Variants in TAS2R1 observed in about 807,000 individuals in gnomAD.
The protein encoded by TAS2R1 is taste receptor type 2 member 1.
For synonymous variants in TAS2R1, 141 were observed against 134.2 expected (o/e 1.05, Z -0.35); for missense variants, 370 against 353.4 (o/e 1.05, Z -0.38).
At chr5:9,781,968 G>T in the TAS2R1 span, among the ~76,000 whole-genome samples, 1 of 152,196 alleles carries the variant, frequency 6.6e-6, no homozygotes, top group Non-Finnish European at 1.5e-5. Flanking sequence ...AATGGGGATA[G>T]ATGTCTTTCT....
chr5:9,728,379 G>C, the TAS2R1 span, among the ~76,000 whole-genome samples: 1 of 152,172 alleles, frequency 6.6e-6, no homozygotes, highest in African/African-American at 2.4e-5. Flanking sequence ...ATATGACATT[G>C]CATTTACACA....
At chr5:9,696,290 T>G (rs566206620) in intron 1 of TAS2R1, among the ~76,000 whole-genome samples, 1 of 152,176 alleles carries the variant, frequency 6.6e-6, no homozygotes, top group Non-Finnish European at 1.5e-5. Flanking sequence ...TCTGATGCGG[T>G]AGCTCACGCC....
chr5:9,731,581 G>A, the TAS2R1 span, among the ~76,000 whole-genome samples: 2 of 152,184 alleles, frequency 1.3e-5, no homozygotes, highest in African/African-American at 4.8e-5. Flanking sequence ...CACACCTGCA[G>A]TTTCCTCTTT....
At chr5:9,648,711 G>A (rs967545735) in intron 2 of TAS2R1, among the ~76,000 whole-genome samples, 2 of 152,004 alleles carry the variant, frequency 1.3e-5, no homozygotes, top group Non-Finnish European at 1.5e-5. Context: ...AGCTAGGGAC[G>A]TATAGACTCT....
At chr5:9,633,755 T>C (rs1470483923), upstream of TAS2R1, among the ~76,000 whole-genome samples, 3 of 152,072 alleles carry the variant, frequency 2.0e-5, no homozygotes, top group Non-Finnish European at 4.4e-5. Context: ...TTGAGACTTG[T>C]CTATTCATGT....
chr5:9,787,420 G>A, the TAS2R1 span, among the ~76,000 whole-genome samples: 6 of 152,028 alleles, frequency 3.9e-5, no homozygotes, highest in South Asian at 8.3e-4. Flanking sequence ...CAAAAACCAG[G>A]TATTGCAAAA....
chr5:9,888,869 G>C, the TAS2R1 span, among the ~76,000 whole-genome samples: 5 of 152,316 alleles, frequency 3.3e-5, no homozygotes, highest in South Asian at 4.1e-4. Flanking sequence ...GATAGCAGAA[G>C]ACAGATGGCA....
chr5:9,730,599 T>C, the TAS2R1 span, among the ~76,000 whole-genome samples: 1 of 152,144 alleles, frequency 6.6e-6, no homozygotes, highest in Non-Finnish European at 1.5e-5. Flanking sequence ...TTTTGAGGAC[T>C]CAAAGACACT....
At chr5:9,768,617 C>T in the TAS2R1 span, among the ~76,000 whole-genome samples, 1 of 152,268 alleles carries the variant, frequency 6.6e-6, no homozygotes, top group East Asian at 1.9e-4. Context: ...ACTCCCATTC[C>T]TTGAACAGTC....
At chr5:9,645,404 T>C (rs552654903) in intron 2 of TAS2R1, among the ~76,000 whole-genome samples, 1 of 152,164 alleles carries the variant, frequency 6.6e-6, no homozygotes, top group Non-Finnish European at 1.5e-5. Flanking sequence ...CCGCGTCCTA[T>C]GTTAATACCC....
rs1739828012 is a variant in TAS2R1 at position 9,629,550 on chromosome 5, G to C, written c.483C>G (p.Ser161=). 1 of 1,613,792 alleles carries C rather than the reference G, an allele frequency of 6.2e-7. No individual in the cohort carries two copies. The highest frequency in any genetic ancestry group is 1.3e-5 in the African/African-American group (1 of 74,848). The change falls in exon 1 of 1, where the codon TCC becomes TCG. Residue 161 remains serine (S), a synonymous_variant. Transcript: ENST00000382492. Reference sequence around the variant, plus strand: ...CTTCTTTTTGAATTGTGGCATTTTGGGAGAAAAATTTCCTTAGGAAGTATG... The same window carrying C: ...CTTCTTTTTGAATTGTGGCATTTTGCGAGAAAAATTTCCTTAGGAAGTATG... ...MVPYFLRKFF[S]QNATIQKEDT...
chr5:9,817,313 G>T, the TAS2R1 span, among the ~76,000 whole-genome samples: 1 of 152,114 alleles, frequency 6.6e-6, no homozygotes, highest in Non-Finnish European at 1.5e-5. Context: ...ACATGCCTAC[G>T]CTTTAAATTT....
At chr5:9,764,950 A>T in the TAS2R1 span, among the ~76,000 whole-genome samples, 1 of 152,232 alleles carries the variant, frequency 6.6e-6, no homozygotes, top group Non-Finnish European at 1.5e-5. Context: ...ACTGTGAAAC[A>T]AAAACACGAA....
the TAS2R1 span, among the ~76,000 whole-genome samples, chr5:9,839,031 A>G: frequency 1.3e-5 from 2 of 152,224 alleles, no homozygotes; most frequent in Non-Finnish European, 1.5e-5. Flanking sequence ...TTAAAAGTCA[A>G]ATCCTTGACT....
the TAS2R1 span, among the ~76,000 whole-genome samples, chr5:9,856,645 C>T: frequency 1.3e-5 from 2 of 152,218 alleles, no homozygotes; most frequent in Non-Finnish European, 1.5e-5. Flanking sequence ...AATGCATATT[C>T]TCTCTATAGA....
At chr5:9,884,908 T>G in the TAS2R1 span, among the ~76,000 whole-genome samples, 2 of 152,258 alleles carry the variant, frequency 1.3e-5, no homozygotes, top group Non-Finnish European at 2.9e-5. Flanking sequence ...ATTCAAAATG[T>G]TCTTACTTTC....
At chr5:9,812,641 T>C in the TAS2R1 span, among the ~76,000 whole-genome samples, 8 of 152,254 alleles carry the variant, frequency 5.3e-5, no homozygotes, top group Admixed American at 1.3e-4. Flanking sequence ...TTTCACCATT[T>C]CCACCAAGCT....
chr5:9,878,738 A>G, the TAS2R1 span, among the ~76,000 whole-genome samples: 1 of 152,196 alleles, frequency 6.6e-6, no homozygotes. Context: ...CAGAATCTAG[A>G]GGCATCCATC....
At chr5:9,840,274 G>A in the TAS2R1 span, among the ~76,000 whole-genome samples, 1 of 152,184 alleles carries the variant, frequency 6.6e-6, no homozygotes, top group African/African-American at 2.4e-5. Flanking sequence ...GTGTAGCTCA[G>A]ACTTCTGGGA....
Sources: gnomAD v4.1 joint callset for allele counts (sites outside exome capture counted in the v4.1 genomes callset) on GRCh38, gnomAD v4.1.1 for gene constraint, MANE v1.5 for transcripts, NCBI Gene and HGNC (gene_info 2026-07-23, HGNC 2026-07-21) for gene names.